Variants in PTPRB observed in about 807,000 individuals in gnomAD.
PTPRB encodes protein tyrosine phosphatase receptor type B.
A neutral mutation model predicts 238.1 loss-of-function variants in PTPRB; 97 were observed. The observed-to-expected ratio is 0.41, with a 90% CI of 0.35 to 0.48. PTPRB has a LOEUF of 0.48. PTPRB is among the 20% of genes least tolerant of loss of function. The pLI is 0.30. For synonymous variants in PTPRB, 970 were observed against 995.4 expected, an observed-to-expected ratio of 0.97 and a Z score of 0.48; for missense variants, 2,292 against 2,681.9, an observed-to-expected ratio of 0.85 and a Z score of 3.21.
intron 7 of PTPRB, 145 bp downstream of exon 7, chr12:70,592,137 G>A: frequency 9.2e-7 from 1 of 1,086,492 alleles, no homozygotes; most frequent in Non-Finnish European, 1.3e-6. Flanking sequence ...AGAAGAATGG[G>A]CCATACTACA....
intron 6 of PTPRB, among the ~76,000 whole-genome samples, chr12:70,593,156 A>G (rs1882656742): frequency 1.3e-5 from 2 of 152,242 alleles, no homozygotes; most frequent in South Asian, 4.1e-4. Context: ...GAGGAAAATG[A>G]TTAAAAAGGA....
At chr12:70,596,364 AAAG>A (rs1883029029) in intron 4 of PTPRB, 37 bp from the exon 5 acceptor site, 5 of 1,336,340 alleles carry the variant, frequency 3.7e-6, no homozygotes, top group Non-Finnish European at 3.8e-6. Flanking sequence ...CAAAAAAAAA[AAAG>A]AAAGAAAAAG....
intron 15 of PTPRB, 125 bp downstream of exon 15, chr12:70,566,310 G>A (rs1024537871): frequency 8.1e-7 from 1 of 1,237,364 alleles, no homozygotes; most frequent in African/African-American, 1.5e-5. Context: ...CAGGGTGAAT[G>A]TTCCCAGCGT....
chr12:70,553,862 C>T (rs746710000), intron 20 of PTPRB, among the ~76,000 whole-genome samples: 4 of 152,106 alleles, frequency 2.6e-5, no homozygotes, highest in Non-Finnish European at 4.4e-5. Flanking sequence ...CTATAAATGG[C>T]GTTTATATGA....
At chr12:70,599,750 AC>A (rs1883320123) in intron 4 of PTPRB, among the ~76,000 whole-genome samples, 1 of 152,192 alleles carries the variant, frequency 6.6e-6, no homozygotes, top group South Asian at 2.1e-4. Flanking sequence ...AAAAGAAAAG[AC>A]AAAGTATGGC....
rs369807654 is a variant in PTPRB at position 70,519,092 on chromosome 12, T to C, written c.*2397A>G. 2 of 152,158 alleles carry C rather than the reference T, an allele frequency of 1.3e-5. No homozygotes were observed. Among genetic ancestry groups the C allele is most frequent in the East Asian group, 3.8e-4 (2 of 5,196 alleles). 9.4% of individuals were successfully genotyped at this position (152,158 alleles called of 1,614,324 possible). Reference sequence around the variant, plus strand: ...ATTTGTTGCTAAGAAGGTTTAAAATTAGGTGTAGGGTAGGAATAAACATTT... The same window carrying C: ...ATTTGTTGCTAAGAAGGTTTAAAATCAGGTGTAGGGTAGGAATAAACATTT... On this transcript the variant is annotated 3_prime_UTR_variant, in exon 34 of 34. Transcript: ENST00000334414.
At chr12:70,624,033 T>A (rs921673752) in intron 2 of PTPRB, among the ~76,000 whole-genome samples, 1 of 152,154 alleles carries the variant, frequency 6.6e-6, no homozygotes, top group African/African-American at 2.4e-5. Context: ...AATAAAATAA[T>A]CTTGGCTATA....
At chr12:70,581,361 G>GA (rs1881376026) in intron 9 of PTPRB, 59 bp from the exon 10 acceptor site, 12 of 1,495,874 alleles carry the variant, frequency 8.0e-6, no homozygotes, top group Non-Finnish European at 1.1e-5. Flanking sequence ...GAAAGTGTAA[G>GA]AAAAATGAGT....
At chr12:70,595,005 G>A (rs1279826553) in intron 5 of PTPRB, among the ~76,000 whole-genome samples, 1 of 152,058 alleles carries the variant, frequency 6.6e-6, no homozygotes. Flanking sequence ...ACATTGCACA[G>A]CAGTAAGTAG....
chr12:70,590,329 T>A, intron 7 of PTPRB, 96 bp from the exon 8 acceptor site: 4 of 1,260,812 alleles, frequency 3.2e-6, no homozygotes, highest in Non-Finnish European at 4.3e-6. Flanking sequence ...GGAGACACAA[T>A]ATCTGCAGTT....
intron 17 of PTPRB, 87 bp from the exon 18 acceptor site, chr12:70,559,711 C>T (rs1878215264): frequency 2.4e-6 from 3 of 1,248,730 alleles, no homozygotes; most frequent in Non-Finnish European, 2.2e-6. Flanking sequence ...ATCAGACACA[C>T]TTTTAATGTA....
rs373118708 is a variant in PTPRB, at chr12:70,571,465, G to GT, written c.3107-177dup. 1,057 of 662,180 alleles carry GT rather than the reference G, an allele frequency of 1.6e-3. 13 individuals carry two copies. In the African/African-American group the frequency reaches 0.018, roughly 11 times the overall value. The allele number at this position is 662,180 out of a possible 1,614,324, so 41.0% of individuals were successfully genotyped here. The stretch of plus-strand genomic sequence containing the variant: ...ATTGGAAGCAACTATTAACATTGTG[G>GT]TTTTTTCCTGACATAAATGTTACAT... On this transcript the variant is annotated intron_variant, in intron 12 of 33. Coordinates refer to ENST00000334414, the MANE Select transcript of PTPRB (RefSeq NM_001109754.4).
intron 21 of PTPRB, among the ~76,000 whole-genome samples, chr12:70,548,685 T>G (rs1020948112): frequency 8.5e-5 from 13 of 152,264 alleles, no homozygotes; most frequent in Non-Finnish European, 1.5e-4. Flanking sequence ...CCCTTAAAAC[T>G]TTTCCAAAAA....
intron 32 of PTPRB, among the ~76,000 whole-genome samples, chr12:70,531,478 G>A (rs746899863): frequency 6.6e-6 from 1 of 152,078 alleles, no homozygotes; most frequent in Non-Finnish European, 1.5e-5. Flanking sequence ...CACAATCAAG[G>A]GCCCAGGTTT....
chr12:70,557,334 G>C (rs1877843869), intron 18 of PTPRB, among the ~76,000 whole-genome samples: 1 of 152,096 alleles, frequency 6.6e-6, no homozygotes, highest in South Asian at 2.1e-4. Flanking sequence ...TGCTATTTTG[G>C]ATTTTCTGTT....
At chr12:70,605,066 G>T (rs1045115979) in intron 4 of PTPRB, among the ~76,000 whole-genome samples, 1 of 152,128 alleles carries the variant, frequency 6.6e-6, no homozygotes, top group African/African-American at 2.4e-5. Flanking sequence ...TTTTATTAAA[G>T]ACAAGTTAGC....
intron 3 of PTPRB, chr12:70,609,923 C>T (rs1304076184): frequency 2.9e-6 from 3 of 1,023,270 alleles, no homozygotes; most frequent in South Asian, 2.6e-5. Flanking sequence ...GCCCCGTGGG[C>T]GCAGCGCGCT....
At chr12:70,576,805 T>C (rs1880830487) in intron 10 of PTPRB, among the ~76,000 whole-genome samples, 160 bp from the exon 11 acceptor site, 1 of 151,952 alleles carries the variant, frequency 6.6e-6, no homozygotes, top group Non-Finnish European at 1.5e-5. Flanking sequence ...AGCGTGAGGA[T>C]TTCACTCAGC....
chr12:70,624,521 C>A (rs1205635096), intron 2 of PTPRB, among the ~76,000 whole-genome samples: 2 of 152,120 alleles, frequency 1.3e-5, no homozygotes, highest in Non-Finnish European at 2.9e-5. Context: ...TAGCGAGATT[C>A]CTTTACAACA....
Sources: gnomAD v4.1 joint callset for allele counts (sites outside exome capture counted in the v4.1 genomes callset) on GRCh38, gnomAD v4.1.1 for gene constraint, MANE v1.5 for transcripts, NCBI Gene and HGNC (gene_info 2026-07-23, HGNC 2026-07-21) for gene names.